Variants in KDR observed in about 807,000 individuals in gnomAD.
KDR encodes the protein kinase insert domain receptor.
KDR carries 43 observed loss-of-function variants against 160.9 expected under a neutral mutation model. That is an observed-to-expected ratio of 0.27 (90% CI 0.21 to 0.34). KDR has a LOEUF of 0.34. Among genes scored for constraint, KDR ranks in the 10% least tolerant of loss-of-function variants. The pLI, the probability that KDR is intolerant of heterozygous loss-of-function variation, is 1.00. For missense variants in KDR, 1,469 were observed against 1,666.4 expected (o/e 0.88, Z 2.06); for synonymous variants, 617 against 600.1 (o/e 1.03, Z -0.41).
At chr4:55,082,656 A>G in intron 27 of KDR, 21 bp from the exon 28 acceptor site, 6 of 1,586,462 alleles carry the variant, frequency 3.8e-6, no homozygotes, top group Non-Finnish European at 4.3e-6. Flanking sequence ...ACAAATATTT[A>G]TATTTTAGTG....
At chr4:55,122,894 T>A (rs981435349) in intron 1 of KDR, 3 of 152,092 alleles carry the variant, frequency 2.0e-5, no homozygotes, top group Admixed American at 1.3e-4. Flanking sequence ...GGTGGTCATG[T>A]TTAATTAATT....
At chr4:55,104,025 C>T (rs1720376502) in intron 13 of KDR, among the ~76,000 whole-genome samples, 1 of 152,154 alleles carries the variant, frequency 6.6e-6, no homozygotes, top group African/African-American at 2.4e-5. Flanking sequence ...TTGGGCTACG[C>T]TGGATCATGT....
At chr4:55,118,034 G>A (rs1205724156) in intron 3 of KDR, among the ~76,000 whole-genome samples, 1 of 152,134 alleles carries the variant, frequency 6.6e-6, no homozygotes, top group Admixed American at 6.5e-5. Context: ...CAAGATCTCA[G>A]ACCAAACAAG....
Position 55,115,374 on chromosome 4 carries a change from T to G in KDR, c.396A>C (p.Gln132His). 1 of 1,549,084 alleles carries G rather than the reference T, an allele frequency of 6.5e-7. No individual in the cohort carries two copies. The highest frequency in any genetic ancestry group is 8.9e-7 in the Non-Finnish European group (1 of 1,120,818). The part of the protein sequence containing the change: ...RSPFIASVSD[Q>H]HGVVYITENK... Reference sequence around the variant, plus strand: ...TCTCAGTAATGTACACGACTCCATGTTGGTCACTAACAGAAGCAATAAATG... The same window carrying G: ...TCTCAGTAATGTACACGACTCCATGGTGGTCACTAACAGAAGCAATAAATG... Residue 132 changes from glutamine (Q) to histidine (H), a missense_variant, in exon 4 of 30, where the codon CAA (glutamine) becomes CAC (histidine). By Grantham distance (24) the Gln-to-His change is conservative (BLOSUM62 0). This residue lies in a region of KDR where 792 missense variants were observed against 840.9 expected (regional missense o/e 0.94). Transcript: ENST00000263923.
rs562345378 is a variant in KDR, at chr4:55,098,979, TTTAATTTA to T, written c.2267-184_2267-177del. 3.4e-3 allele frequency among the ~76,000 whole-genome samples: 487 copies of T among 144,416 alleles called. 16 individuals are homozygous for T. In the East Asian group the frequency reaches 0.077, roughly 23 times the overall value. The allele number at this position is 144,416 out of a possible 152,430, so 94.7% of individuals were successfully genotyped here. ...GAGTCTACAGAATTCTTTTTTTGAATTTAATTTATTTATTTATTTATTTATTTATTTAT... is the reference window on the plus strand; with the variant it reads ...GAGTCTACAGAATTCTTTTTTTGAATTTTATTTATTTATTTATTTATTTAT... On this transcript the variant is annotated intron_variant, in intron 15 of 29. Transcript: ENST00000263923.
intron 7 of KDR, 34 bp downstream of exon 7, chr4:55,113,270 A>G (rs771799914): frequency 2.8e-5 from 45 of 1,601,078 alleles, no homozygotes; most frequent in Non-Finnish European, 3.8e-5. Flanking sequence ...CTCACTTGTC[A>G]AGGCACAGAA....
intron 23 of KDR, 74 bp from the exon 24 acceptor site, chr4:55,089,876 G>C (rs2110011325): frequency 6.2e-7 from 1 of 1,605,288 alleles, no homozygotes; most frequent in African/African-American, 1.3e-5. Flanking sequence ...CTCTGTTCCT[G>C]AACACAGGTC....
rs567268508 is a variant in KDR at position 55,106,174 on chromosome 4, C to T, written c.1537-234G>A. Among the ~76,000 whole-genome samples, 12 of 152,064 alleles carry T rather than the reference C, an allele frequency of 7.9e-5. No homozygotes were observed. In the South Asian group the frequency reaches 2.3e-3, roughly 29 times the overall value. On this transcript the variant is annotated intron_variant, in intron 11 of 29. Coordinates refer to ENST00000263923, the MANE Select transcript of KDR (RefSeq NM_002253.4). Reference sequence around the variant, plus strand: ...TTTTTTTTGGATTTTGGAATATTTGCATTGTATACTTACCAGTTGAGCATC... The same window carrying T: ...TTTTTTTTGGATTTTGGAATATTTGTATTGTATACTTACCAGTTGAGCATC...
At chr4:55,090,105 G>C (rs1334653003) in intron 22 of KDR, 27 bp from the exon 23 acceptor site, 6 of 1,613,280 alleles carry the variant, frequency 3.7e-6, no homozygotes, top group Non-Finnish European at 4.2e-6. Flanking sequence ...GTGTGCATTA[G>C]GTCTCGGCAC....
Position 55,101,904 on chromosome 4 carries a change from T to C in KDR, c.2259A>G (p.Ile753Met), listed in dbSNP as rs372199336. Residue 753 changes from isoleucine to methionine, a missense_variant, in exon 15 of 30, where the codon ATA becomes ATG. Ile to Met is a conservative substitution (Grantham distance 10). Around this residue, in one of 7 missense-constraint regions of KDR, gnomAD observed 118 missense variants for 110.8 expected, o/e 1.06. Transcript: ENST00000263923. ...TTTTTTTATCCCACTGACCTTCTAT[T>C]ATGAAAAATGCCTCCACTTTTGCAC... ...LGCAKVEAFFIIEGAQEKTNL... is the reference protein window; with the variant it reads ...LGCAKVEAFFMIEGAQEKTNL... 34 of 1,613,160 alleles carry C rather than the reference T, an allele frequency of 2.1e-5. No homozygotes were observed. The highest frequency in any genetic ancestry group is 2.8e-5 in the Non-Finnish European group (33 of 1,179,570).
At chr4:55,094,077 A>C (rs4864953) in intron 21 of KDR, among the ~76,000 whole-genome samples, 36,435 of 151,678 alleles carry the variant, frequency 0.24, 4,556 homozygotes, top group East Asian at 0.46. Context: ...GGCATGGTGG[A>C]AGGCACCTGT....
rs1427110208 is a variant in KDR at position 55,093,081 on chromosome 4, C to T, written c.2972-367G>A. On this transcript the variant is annotated intron_variant, in intron 21 of 29. Transcript: ENST00000263923. The stretch of plus-strand genomic sequence containing the variant: ...ATAAACAATAGTTTCATATCAAGAA[C>T]TCTAAAAATAAAACAACAATATTCA... 2.6e-5 allele frequency among the ~76,000 whole-genome samples: 4 copies of T among 152,274 alleles called. No homozygotes were observed. In the South Asian group the frequency reaches 6.2e-4, roughly 24 times the overall value.
At position 55,110,519 on chromosome 4, in the gene KDR, C is replaced by T. The variant is rs1293114817; in HGVS notation, c.1139G>A (p.Gly380Glu). The T allele has an allele frequency of 6.2e-7, 1 of 1,613,872 alleles. No individual in the cohort carries two copies. The highest frequency in any genetic ancestry group is 8.5e-7 in the Non-Finnish European group (1 of 1,179,938). Residue 380 changes from glycine (G) to glutamate (E), a missense_variant, in exon 9 of 30, where the codon GGG becomes GAG. Gly to Glu is a moderately conservative substitution (Grantham distance 98). Transcript: ENST00000263923. ...PLESNHTIKA[G>E]HVLTIMEVSE... ...CACTTCCATAATCGTCAGTACATGC[C>T]CCGCTTTAATTGTGTGATTGGACTC...
At position 55,089,416 on chromosome 4, in the gene KDR, T is replaced by C; in HGVS notation, c.3362A>G (p.Glu1121Gly). ...ATCAGGGGCCCTCATTCTAGTTCCT[T>C]CTTTCAATCGCCTACAAAATTCTTC... ...IDEEFCRRLK[E>G]GTRMRAPDYT... Residue 1121 changes from glutamate to glycine, a missense_variant, in exon 25 of 30, where the codon GAA becomes GGA. Physicochemically the swap from Glu to Gly is moderately conservative, Grantham distance 98. Coordinates refer to ENST00000263923, the MANE Select transcript of KDR (RefSeq NM_002253.4). 1 of 1,613,192 alleles carries C rather than the reference T, an allele frequency of 6.2e-7. No individual in the cohort carries two copies.
chr4:55,089,110 C>G (rs1389921114), intron 25 of KDR, 137 bp from the exon 26 acceptor site: 2 of 750,078 alleles, frequency 2.7e-6, no homozygotes, highest in African/African-American at 3.5e-5. Flanking sequence ...GTGTAAGACA[C>G]AGAGTCCCAT....
chr4:55,095,365 T>A (rs918453876), intron 20 of KDR, among the ~76,000 whole-genome samples: 1 of 152,070 alleles, frequency 6.6e-6, no homozygotes, highest in African/African-American at 2.4e-5. Flanking sequence ...ATGTCCACAC[T>A]CTGTAATGGG....
intron 3 of KDR, among the ~76,000 whole-genome samples, chr4:55,117,996 A>C (rs1321424393): frequency 6.6e-6 from 1 of 152,182 alleles, no homozygotes; most frequent in East Asian, 1.9e-4. Flanking sequence ...CCCAAACTGC[A>C]CATCCTAGAA....
chr4:55,097,513 T>C (rs913865385), intron 18 of KDR, 149 bp downstream of exon 18: 6 of 620,930 alleles, frequency 9.7e-6, no homozygotes, highest in Admixed American at 9.7e-5. Flanking sequence ...GAGGATCCTT[T>C]TTCCAATTTG....
In KDR at chr4:55,082,579, T is replaced by G. The variant is rs1362907976; in HGVS notation, c.3719A>C (p.Glu1240Ala). 11 of 1,613,856 alleles carry G rather than the reference T, an allele frequency of 6.8e-6. No homozygotes were observed. Among genetic ancestry groups the G allele is most frequent in the Non-Finnish European group, 9.3e-6 (11 of 1,179,890 alleles). ...TTCTGGTTCTTCTAACGGGATATCTTCAAATGTTTTTACACTCACAGGCCG... is the reference window on the plus strand; with the variant it reads ...TTCTGGTTCTTCTAACGGGATATCTGCAAATGTTTTTACACTCACAGGCCG... ...KSRPVSVKTF[E>A]DIPLEEPEVK... The change falls in exon 28 of 30, where the codon GAA becomes GCA. Residue 1240 changes from glutamate (E) to alanine (A), a missense_variant. This residue lies in a region of KDR where 229 missense variants were observed against 197.8 expected (regional missense o/e 1.16). Coordinates refer to ENST00000263923, the MANE Select transcript of KDR (RefSeq NM_002253.4).
Sources: gnomAD v4.1 joint callset for allele counts (sites outside exome capture counted in the v4.1 genomes callset) on GRCh38, gnomAD v4.1.1 for gene constraint, gnomAD v4.1.1 regional missense constraint, MANE v1.5 for transcripts, NCBI Gene and HGNC (gene_info 2026-07-23, HGNC 2026-07-21) for gene names.